Variants in UGT1A10 observed in about 807,000 individuals in gnomAD.
The protein encoded by UGT1A10 is UDP glucuronosyltransferase family 1 member A10.
In UGT1A10, 49 loss-of-function variants were observed where a neutral mutation model predicts 45.8. The ratio of observed to expected loss-of-function variants is 1.07; its 90% CI spans 0.85 to 1.36. The LOEUF is 1.36. Among genes scored for constraint, UGT1A10 ranks in the 40% most tolerant of loss-of-function variants. The probability of loss-of-function intolerance (pLI) is 0.00; values close to 1 mark genes in which losing one functional copy is unlikely to be tolerated. For missense variants in UGT1A10, 745 were observed against 668.6 expected (o/e 1.11, Z -1.26); for synonymous variants, 284 against 249.7 (o/e 1.14, Z -1.29).
intron 1 of UGT1A10, among the ~76,000 whole-genome samples, chr2:233,737,542 G>A (rs1380608470): frequency 6.6e-6 from 1 of 152,180 alleles, no homozygotes; most frequent in East Asian, 1.9e-4. Flanking sequence ...CCCTGCTTCG[G>A]CTTGCCCTCA....
At chr2:233,749,107 C>T (rs2125896789) in intron 1 of UGT1A10, among the ~76,000 whole-genome samples, 1 of 151,856 alleles carries the variant, frequency 6.6e-6, no homozygotes, top group Non-Finnish European at 1.5e-5. Flanking sequence ...GAGAATTCAG[C>T]CTTTTTATGT....
chr2:233,736,601 G>A (rs528906604), intron 1 of UGT1A10, among the ~76,000 whole-genome samples: 6 of 152,098 alleles, frequency 3.9e-5, no homozygotes, highest in Non-Finnish European at 8.8e-5. Flanking sequence ...TATGCGCTAT[G>A]GTTTTTAGAA....
chr2:233,732,755 G>GA (rs1553614027), intron 1 of UGT1A10, among the ~76,000 whole-genome samples: 1 of 120,226 alleles, frequency 8.3e-6, no homozygotes, highest in Non-Finnish European at 1.8e-5. Flanking sequence ...CACCAGCTTT[G>GA]TTTTTTTTTT....
Position 233,746,504 on chromosome 2 carries a change from C to T in UGT1A10, c.856-20530C>T, listed in dbSNP as rs747424626. 1.1e-4 allele frequency among the ~76,000 whole-genome samples: 17 copies of T among 151,868 alleles called. 1 individual carries two copies. Among genetic ancestry groups the T allele is most frequent in the East Asian group, 5.8e-4 (3 of 5,180 alleles). Reference sequence around the variant, plus strand: ...CCATGGACATGTCACTCTTTAGTAGCCCCCAAAGCAAGACCATCATATTGC... The same window carrying T: ...CCATGGACATGTCACTCTTTAGTAGTCCCCAAAGCAAGACCATCATATTGC... On this transcript the variant is annotated intron_variant, in intron 1 of 4. Transcript: ENST00000344644.
At chr2:233,677,441 A>G (rs2074390638) in intron 1 of UGT1A10, among the ~76,000 whole-genome samples, 1 of 152,250 alleles carries the variant, frequency 6.6e-6, no homozygotes, top group Admixed American at 6.5e-5. Context: ...CCAACTGTTT[A>G]CCAAAAGCCT....
At chr2:233,689,337 G>A (rs2074938700) in intron 1 of UGT1A10, among the ~76,000 whole-genome samples, 1 of 152,224 alleles carries the variant, frequency 6.6e-6, no homozygotes, top group Admixed American at 6.5e-5. Context: ...GATTTGCAAT[G>A]GGAGAAAGGA....
chr2:233,742,026 T>C (rs1691848344), intron 1 of UGT1A10: 1 of 151,940 alleles, frequency 6.6e-6, no homozygotes, highest in South Asian at 2.1e-4. Flanking sequence ...CCTAATTTGA[T>C]ATGTCCCAAG....
chr2:233,718,954 G>A (rs766332804), intron 1 of UGT1A10: 15 of 1,614,094 alleles, frequency 9.3e-6, no homozygotes, highest in East Asian at 6.7e-5. Context: ...CTCAGCATGC[G>A]GGAGGCCTTG....
intron 1 of UGT1A10, among the ~76,000 whole-genome samples, chr2:233,639,436 T>A (rs1042118901): frequency 6.6e-6 from 1 of 152,220 alleles, no homozygotes; most frequent in Non-Finnish European, 1.5e-5. Flanking sequence ...AAAAGAACGA[T>A]GAACACTGCA....
At chr2:233,690,502 A>C in intron 1 of UGT1A10, 2 of 1,289,594 alleles carry the variant, frequency 1.6e-6, no homozygotes, top group Non-Finnish European at 2.0e-6. Context: ...TTGCCAACAG[A>C]GATTTGTTTT....
intron 1 of UGT1A10, chr2:233,691,051 G>A: frequency 1.0e-6 from 1 of 988,180 alleles, no homozygotes; most frequent in Non-Finnish European, 1.2e-6. Flanking sequence ...ACAGCAGAGT[G>A]GAGGTCTAGT....
chr2:233,745,429 A>G (rs1003194784), intron 1 of UGT1A10, among the ~76,000 whole-genome samples: 4 of 151,698 alleles, frequency 2.6e-5, no homozygotes, highest in African/African-American at 4.9e-5. Flanking sequence ...ATAAATTGTG[A>G]GGCAATACAC....
chr2:233,647,074 G>A (rs947282264), intron 1 of UGT1A10, among the ~76,000 whole-genome samples: 1 of 152,216 alleles, frequency 6.6e-6, no homozygotes, highest in Non-Finnish European at 1.5e-5. Flanking sequence ...AGCAGGCAAA[G>A]AAAGAGAGCT....
intron 1 of UGT1A10, chr2:233,672,369 G>A (rs928548039): frequency 1.2e-6 from 2 of 1,614,104 alleles, no homozygotes; most frequent in Admixed American, 3.3e-5. Flanking sequence ...TTGATGCAGT[G>A]TTTCTCGATC....
intron 1 of UGT1A10, chr2:233,691,042 C>A (rs1369045618): frequency 2.0e-6 from 2 of 989,126 alleles, no homozygotes; most frequent in East Asian, 2.2e-4. Flanking sequence ...CCAACGTCCA[C>A]AGCAGAGTGG....
chr2:233,729,076 T>C (rs907733585), intron 1 of UGT1A10: 3 of 1,612,000 alleles, frequency 1.9e-6, no homozygotes, highest in Non-Finnish European at 2.5e-6. Context: ...AAAGCAAATG[T>C]AGCAGGCACA....
At chr2:233,718,119 C>T (rs2076631088) in intron 1 of UGT1A10, 1 of 304,720 alleles carries the variant, frequency 3.3e-6, no homozygotes, top group Non-Finnish European at 6.6e-6. Context: ...CCTCTTATTC[C>T]ATGGTGTAGA....
intron 1 of UGT1A10, among the ~76,000 whole-genome samples, chr2:233,675,474 G>A (rs545348972): frequency 6.6e-6 from 1 of 152,270 alleles, no homozygotes; most frequent in South Asian, 2.1e-4. Flanking sequence ...TCCATGGCAG[G>A]TGCGGCTCTG....
chr2:233,722,032 C>A, intron 1 of UGT1A10: 1 of 244,322 alleles, frequency 4.1e-6, no homozygotes, highest in Non-Finnish European at 8.2e-6. Flanking sequence ...TCTTGAATTG[C>A]ATGATTTTGT....
Sources: gnomAD v4.1 joint callset for allele counts (sites outside exome capture counted in the v4.1 genomes callset) on GRCh38, gnomAD v4.1.1 for gene constraint, MANE v1.5 for transcripts, NCBI Gene and HGNC (gene_info 2026-07-23, HGNC 2026-07-21) for gene names.